Variants in UGT1A10 observed in about 807,000 individuals in gnomAD.
UGT1A10 encodes the protein UDP glucuronosyltransferase family 1 member A10, also known as UDP-glucuronosyltransferase 1A10.
In UGT1A10, 49 loss-of-function variants were observed where a neutral mutation model predicts 45.8. That is an observed-to-expected ratio of 1.07 (90% confidence interval 0.85 to 1.36). UGT1A10 has a LOEUF of 1.36. UGT1A10 is among the 40% of genes most tolerant of loss of function. The pLI is 0.00. For missense variants in UGT1A10, 745 were observed against 668.6 expected (o/e 1.11, Z -1.26); for synonymous variants, 284 against 249.7 (o/e 1.14, Z -1.29).
chr2:233,717,706 G>A (rs578061394), intron 1 of UGT1A10: 10 of 451,154 alleles, frequency 2.2e-5, no homozygotes, highest in African/African-American at 4.0e-5. Context: ...GGAGCAGGAC[G>A]AGCCTCATGG....
intron 1 of UGT1A10, chr2:233,744,012 G>C (rs541267003): frequency 9.2e-7 from 1 of 1,089,588 alleles, no homozygotes. Flanking sequence ...GACCTGGGCC[G>C]CCTGGAGAGA....
At chr2:233,739,640 A>G (rs1691162430) in intron 1 of UGT1A10, among the ~76,000 whole-genome samples, 1 of 152,122 alleles carries the variant, frequency 6.6e-6, no homozygotes, top group African/African-American at 2.4e-5. Context: ...GGGAACATTT[A>G]CCCAATTTCT....
At chr2:233,657,472 C>A (rs555047307) in intron 1 of UGT1A10, among the ~76,000 whole-genome samples, 2 of 152,210 alleles carry the variant, frequency 1.3e-5, no homozygotes, top group East Asian at 3.9e-4. Flanking sequence ...GAGGGGTTGC[C>A]AGGATCTTTT....
intron 1 of UGT1A10, among the ~76,000 whole-genome samples, chr2:233,699,790 C>G (rs1191116266): frequency 2.0e-5 from 3 of 152,194 alleles, no homozygotes; most frequent in Non-Finnish European, 2.9e-5. Context: ...GTTTCCTCCT[C>G]TCATATTCTG....
intron 1 of UGT1A10, among the ~76,000 whole-genome samples, chr2:233,736,009 A>G (rs1243121159): frequency 6.6e-6 from 1 of 151,786 alleles, no homozygotes; most frequent in Non-Finnish European, 1.5e-5. Context: ...CTTCTCGAGG[A>G]GTATCTTTGT....
chr2:233,670,922 C>CA (rs1186411067), intron 1 of UGT1A10, among the ~76,000 whole-genome samples: 2 of 152,136 alleles, frequency 1.3e-5, no homozygotes, highest in Non-Finnish European at 2.9e-5. Context: ...TCTTGTACAA[C>CA]AAAAAAACTG....
At chr2:233,661,624 T>TTTCTTTCC (rs1553602626) in intron 1 of UGT1A10, among the ~76,000 whole-genome samples, 106 of 14,124 alleles carry the variant, frequency 7.5e-3, no homozygotes, top group African/African-American at 0.034. Flanking sequence ...CTTACTGAAT[T>TTTCTTTCC]TTCTTTCTTT....
chr2:233,685,707 A>G (rs2074750782), intron 1 of UGT1A10, among the ~76,000 whole-genome samples: 1 of 152,230 alleles, frequency 6.6e-6, no homozygotes, highest in South Asian at 2.1e-4. Flanking sequence ...ATAATTTTCA[A>G]TATCTTGCTG....
intron 1 of UGT1A10, among the ~76,000 whole-genome samples, chr2:233,664,977 A>G (rs6706988): frequency 0.13 from 19,751 of 152,274 alleles, 1,421 homozygotes; most frequent in Non-Finnish European, 0.17. Context: ...ACAGTGAGAA[A>G]TGAAACTTCC....
At chr2:233,720,989 G>A (rs570345451) in intron 1 of UGT1A10, among the ~76,000 whole-genome samples, 1 of 151,692 alleles carries the variant, frequency 6.6e-6, no homozygotes, top group Non-Finnish European at 1.5e-5. Flanking sequence ...GGGATTACAG[G>A]CAAGAGCCAC....
chr2:233,706,171 T>C (rs2125603057), intron 1 of UGT1A10, among the ~76,000 whole-genome samples: 1 of 152,154 alleles, frequency 6.6e-6, no homozygotes, highest in Non-Finnish European at 1.5e-5. Context: ...ATGTGGAATG[T>C]GGTGTGTCTG....
At chr2:233,651,820 C>T (rs2073748867) in intron 1 of UGT1A10, among the ~76,000 whole-genome samples, 1 of 152,148 alleles carries the variant, frequency 6.6e-6, no homozygotes, top group African/African-American at 2.4e-5. Flanking sequence ...TGTGCATGCA[C>T]ACATGTGTCA....
intron 1 of UGT1A10, among the ~76,000 whole-genome samples, chr2:233,700,609 T>G (rs901361288): frequency 9.9e-5 from 15 of 152,150 alleles, no homozygotes; most frequent in Non-Finnish European, 7.4e-5. Context: ...ACTCTTTTTT[T>G]GGGGGGGTTC....
intron 1 of UGT1A10, among the ~76,000 whole-genome samples, chr2:233,717,462 T>C (rs1357156698): frequency 1.3e-5 from 2 of 152,152 alleles, no homozygotes; most frequent in African/African-American, 4.8e-5. Flanking sequence ...GCCTGTCCCA[T>C]GGGTTGTGTC....
At chr2:233,690,704 C>T (rs1172812286) in intron 1 of UGT1A10, 18 of 1,229,320 alleles carry the variant, frequency 1.5e-5, no homozygotes, top group African/African-American at 1.6e-5. Flanking sequence ...CTTTAGGGAT[C>T]GTCATTATGA....
At chr2:233,720,781 C>G (rs2076890046) in intron 1 of UGT1A10, among the ~76,000 whole-genome samples, 1 of 151,290 alleles carries the variant, frequency 6.6e-6, no homozygotes, top group South Asian at 2.1e-4. Flanking sequence ...TCTCCGCTCA[C>G]TGCAACCTTC....
At chr2:233,754,678 C>A (rs1419838969) in intron 1 of UGT1A10, 1 of 475,568 alleles carries the variant, frequency 2.1e-6, no homozygotes, top group Non-Finnish European at 4.1e-6. Context: ...TTTTTACCAT[C>A]AACTATTTCA....
At chr2:233,667,229 A>T (rs535274210) in intron 1 of UGT1A10, among the ~76,000 whole-genome samples, 10 of 152,280 alleles carry the variant, frequency 6.6e-5, no homozygotes, top group South Asian at 2.1e-4. Flanking sequence ...AGCCACACTG[A>T]CTTCCACAAT....
chr2:233,722,051 T>C (rs1475748803), intron 1 of UGT1A10: 2 of 234,456 alleles, frequency 8.5e-6, no homozygotes, highest in Non-Finnish European at 1.7e-5. Flanking sequence ...GTGGTGTTTC[T>C]GGGTCAAGTG....
Sources: gnomAD v4.1 joint callset for allele counts (sites outside exome capture counted in the v4.1 genomes callset) on GRCh38, gnomAD v4.1.1 for gene constraint, MANE v1.5 for transcripts, NCBI Gene and HGNC (gene_info 2026-07-23, HGNC 2026-07-21) for gene names.